EMSY: variants seen among roughly 807,000 people sequenced by gnomAD.
The protein encoded by EMSY is BRCA2-interacting transcriptional repressor EMSY.
EMSY carries 26 observed loss-of-function variants against 134.6 expected under a neutral mutation model. The ratio of observed to expected loss-of-function variants is 0.19; its 90% CI spans 0.14 to 0.27. EMSY has a LOEUF of 0.27. Among genes scored for constraint, EMSY ranks in the 10% least tolerant of loss-of-function variants. The pLI, the probability that EMSY is intolerant of heterozygous loss-of-function variation, is 1.00. For synonymous variants in EMSY, 579 were observed against 577.8 expected (o/e 1.00, Z -0.03); for missense variants, 1,305 against 1,611.4 (o/e 0.81, Z 3.26).
intron 18 of EMSY, among the ~76,000 whole-genome samples, chr11:76,543,007 T>C (rs1951503930): frequency 6.6e-6 from 1 of 152,230 alleles, no homozygotes; most frequent in African/African-American, 2.4e-5. Flanking sequence ...GTTTGATTCA[T>C]ACTATGATCT....
intron 8 of EMSY, among the ~76,000 whole-genome samples, chr11:76,480,790 T>G (rs1948946016): frequency 6.6e-6 from 1 of 152,144 alleles, no homozygotes; most frequent in Non-Finnish European, 1.5e-5. Context: ...GGTGGGGTGT[T>G]GCCTCACCCA....
chr11:76,478,693 A>C (rs1948860472), intron 8 of EMSY, among the ~76,000 whole-genome samples: 8 of 151,886 alleles, frequency 5.3e-5, no homozygotes. Context: ...TCTATTTGGT[A>C]GCATGCTTTC....
chr11:76,449,285 G>A (rs1426529252), intron 2 of EMSY, among the ~76,000 whole-genome samples: 3 of 152,094 alleles, frequency 2.0e-5, no homozygotes, highest in Non-Finnish European at 2.9e-5. Flanking sequence ...AAGCTAATAG[G>A]GTTCTTTACA....
chr11:76,456,441 A>G (rs1301219074), intron 4 of EMSY, among the ~76,000 whole-genome samples: 4 of 152,210 alleles, frequency 2.6e-5, no homozygotes, highest in African/African-American at 9.6e-5. Flanking sequence ...GTACCAGGTA[A>G]GTGTAGATGT....
chr11:76,465,437 C>T (rs984798445), intron 7 of EMSY, among the ~76,000 whole-genome samples: 2 of 152,030 alleles, frequency 1.3e-5, no homozygotes, highest in African/African-American at 4.8e-5. Context: ...GGTGTAAATA[C>T]ATGAAATAAT....
chr11:76,531,023 T>A (rs1163667630), intron 14 of EMSY, among the ~76,000 whole-genome samples: 2 of 152,204 alleles, frequency 1.3e-5, no homozygotes, highest in Non-Finnish European at 2.9e-5. Flanking sequence ...ACTACTTATT[T>A]ACATTTTGCC....
At chr11:76,463,890 C>T in exon 7 of EMSY, 1 of 1,614,174 alleles carries the variant, frequency 6.2e-7, no homozygotes, top group Non-Finnish European at 8.5e-7. Context: ...AGCTCCTCTC[C>T]TGTTGTTCTA....
At chr11:76,546,162 T>C (rs1450921581) in exon 20 of EMSY, 1 of 1,614,006 alleles carries the variant, frequency 6.2e-7, no homozygotes, top group East Asian at 2.2e-5. Context: ...CCTGTTCGAG[T>C]CCATCCACTG....
At chr11:76,467,979 CAA>C (rs11354421) in intron 7 of EMSY, among the ~76,000 whole-genome samples, 3 of 98,438 alleles carry the variant, frequency 3.0e-5, no homozygotes, top group Non-Finnish European at 4.5e-5. Context: ...AACTCCATCT[CAA>C]AAAAAAAAAA....
chr11:76,509,172 G>A (rs753313124), intron 9 of EMSY, among the ~76,000 whole-genome samples: 3 of 151,994 alleles, frequency 2.0e-5, no homozygotes, highest in Non-Finnish European at 4.4e-5. Context: ...TAATGTGAGC[G>A]CACACTGTTG....
chr11:76,538,064 G>T, intron 16 of EMSY, 114 bp downstream of exon 17: 4 of 942,778 alleles, frequency 4.2e-6, no homozygotes, highest in South Asian at 2.5e-5. Flanking sequence ...TTTCCTCTTT[G>T]TTTTCAGAGC....
chr11:76,509,117 A>C (rs1950182032), intron 9 of EMSY, among the ~76,000 whole-genome samples: 1 of 152,218 alleles, frequency 6.6e-6, no homozygotes, highest in South Asian at 2.1e-4. Context: ...ATAATAAAAA[A>C]AAACTTTGAA....
At chr11:76,518,673 G>A (rs1374202408) in intron 11 of EMSY, among the ~76,000 whole-genome samples, 1 of 118,478 alleles carries the variant, frequency 8.4e-6, no homozygotes, top group African/African-American at 2.9e-5. Flanking sequence ...TATAAAGTGT[G>A]TGTGTGCGCG....
intron 4 of EMSY, among the ~76,000 whole-genome samples, chr11:76,455,583 A>C (rs1451264399): frequency 6.6e-6 from 1 of 152,120 alleles, no homozygotes; most frequent in African/African-American, 2.4e-5. Context: ...ATAGGAGTTA[A>C]GGCCTGAAGG....
At position 76,448,713 on chromosome 11, in the gene EMSY, C is replaced by T. The variant is rs80293816; in HGVS notation, c.70+1705C>T. Among the ~76,000 whole-genome samples, 416 of 151,976 alleles carry T rather than the reference C, an allele frequency of 2.7e-3. 1 individual carries two copies. The highest frequency in any genetic ancestry group is 9.2e-3 in the African/African-American group (382 of 41,472). ...TTGATAGTGATTTGCCAAAGACTTC[C>T]TCCCCACCCGTTGGCTTATTATCAT... On this transcript the variant is annotated intron_variant, in intron 2 of 20. Coordinates refer to ENST00000334736, the Ensembl canonical transcript of EMSY.
chr11:76,496,915 C>T (rs768456326), intron 9 of EMSY: 1 of 277,880 alleles, frequency 3.6e-6, no homozygotes, highest in East Asian at 1.1e-4. Flanking sequence ...CTAGAACTTC[C>T]AATACTATGC....
At chr11:76,494,126 C>A (rs1029694751) in intron 8 of EMSY, among the ~76,000 whole-genome samples, 3 of 152,250 alleles carry the variant, frequency 2.0e-5, no homozygotes, top group Admixed American at 6.5e-5. Context: ...CTGGAGCTGC[C>A]CGCCCCACTG....
chr11:76,531,323 G>T (rs541384185), intron 14 of EMSY, among the ~76,000 whole-genome samples: 2 of 152,222 alleles, frequency 1.3e-5, no homozygotes, highest in South Asian at 4.1e-4. Context: ...AATTCAGGTC[G>T]ACACATTGCA....
exon 19 of EMSY, chr11:76,544,650 C>T (rs1392406386): frequency 1.9e-6 from 3 of 1,613,952 alleles, no homozygotes; most frequent in Non-Finnish European, 2.5e-6. Flanking sequence ...CAGCTTCCTA[C>T]CTTAATGGCA....
Sources: allele counts gnomAD v4.1 joint callset (sites outside exome capture counted in the v4.1 genomes callset), GRCh38; gene constraint gnomAD v4.1.1; transcripts MANE v1.5; gene names NCBI Gene and HGNC (gene_info 2026-07-23, HGNC 2026-07-21).